The following PDE4B variants were observed in gnomAD, a reference collection of about 807,000 sequenced individuals.
The protein encoded by PDE4B is phosphodiesterase 4B, also known as 3',5'-cyclic-AMP phosphodiesterase 4B.
In PDE4B, 20 loss-of-function variants were observed where a neutral mutation model predicts 82.2. That is an observed-to-expected ratio of 0.24 (90% CI 0.17 to 0.35). PDE4B has a LOEUF of 0.35. Among genes scored for constraint, PDE4B ranks in the 10% least tolerant of loss-of-function variants. The pLI, the probability that PDE4B is intolerant of heterozygous loss-of-function variation, is 1.00. For synonymous variants in PDE4B, 320 were observed against 318.9 expected (o/e 1.00, Z -0.04); for missense variants, 655 against 907.2 (o/e 0.72, Z 3.57).
chr1:66,031,387 A>G (rs1653768160), intron 3 of PDE4B, among the ~76,000 whole-genome samples: 2 of 152,236 alleles, frequency 1.3e-5, no homozygotes, highest in Admixed American at 1.3e-4. Context: ...GTGATTCTCA[A>G]TCAGGAGAAA....
chr1:66,058,158 G>C (rs1454186732), intron 3 of PDE4B, among the ~76,000 whole-genome samples: 3 of 152,228 alleles, frequency 2.0e-5, no homozygotes, highest in Admixed American at 2.0e-4. Flanking sequence ...CAGCAGGGGA[G>C]TCAAATCTTA....
chr1:66,064,885 A>G (rs982710862), intron 3 of PDE4B, among the ~76,000 whole-genome samples: 4 of 151,982 alleles, frequency 2.6e-5, no homozygotes, highest in Admixed American at 6.6e-5. Context: ...AGTTTCAGAA[A>G]CTTTATAGTC....
chr1:65,983,847 T>A (rs1650818206), intron 3 of PDE4B, among the ~76,000 whole-genome samples: 1 of 152,198 alleles, frequency 6.6e-6, no homozygotes, highest in Non-Finnish European at 1.5e-5. Flanking sequence ...GTTCAGACTG[T>A]ATTATCAAAA....
chr1:65,860,039 T>A (rs2100250751), intron 1 of PDE4B, among the ~76,000 whole-genome samples: 1 of 152,312 alleles, frequency 6.6e-6, no homozygotes, highest in Admixed American at 6.5e-5. Flanking sequence ...TCTCTGTTTT[T>A]TAAAATTTTT....
intron 3 of PDE4B, among the ~76,000 whole-genome samples, chr1:66,111,554 A>G (rs1454698477): frequency 2.6e-5 from 4 of 152,156 alleles, no homozygotes; most frequent in African/African-American, 7.2e-5. Flanking sequence ...CCCTTGGCAT[A>G]GTATCTTCAA....
At chr1:66,323,170 C>T (rs747853030) in intron 7 of PDE4B, among the ~76,000 whole-genome samples, 1 of 152,138 alleles carries the variant, frequency 6.6e-6, no homozygotes, top group Non-Finnish European at 1.5e-5. Flanking sequence ...TTTGCATGGC[C>T]TTCCATGGCT....
intron 3 of PDE4B, among the ~76,000 whole-genome samples, chr1:66,193,341 C>T (rs1647990161): frequency 6.6e-6 from 1 of 152,158 alleles, no homozygotes; most frequent in African/African-American, 2.4e-5. Flanking sequence ...TTTTACCAAA[C>T]CAGATTCCTG....
At chr1:65,873,862 A>C (rs1156643424) in intron 1 of PDE4B, among the ~76,000 whole-genome samples, 3 of 152,148 alleles carry the variant, frequency 2.0e-5, no homozygotes, top group Non-Finnish European at 4.4e-5. Context: ...CATTCTTTGA[A>C]AGATTTTTTT....
At chr1:66,370,150 CAAAAAAAAAAAAAAA>C (rs752920376) in intron 16 of PDE4B, among the ~76,000 whole-genome samples, 4 of 28,654 alleles carry the variant, frequency 1.4e-4, no homozygotes, top group Admixed American at 4.6e-4. Context: ...GACTCTATCT[CAAAAAAAAAAAAAAA>C]AAAAAAAAAA....
At chr1:66,131,303 A>T (rs1037506361) in intron 3 of PDE4B, among the ~76,000 whole-genome samples, 8 of 152,204 alleles carry the variant, frequency 5.3e-5, no homozygotes, top group African/African-American at 1.2e-4. Context: ...GGCTTTGCTA[A>T]TAAGTCAATT....
At chr1:66,088,627 G>C (rs1644948626) in intron 3 of PDE4B, among the ~76,000 whole-genome samples, 1 of 152,066 alleles carries the variant, frequency 6.6e-6, no homozygotes, top group Admixed American at 6.6e-5. Context: ...AAGTGAAGTA[G>C]AAGCCTGTTA....
intron 3 of PDE4B, among the ~76,000 whole-genome samples, chr1:65,988,687 A>T (rs994125301): frequency 2.0e-5 from 3 of 152,074 alleles, no homozygotes; most frequent in Admixed American, 6.5e-5. Flanking sequence ...TTCTTAATTC[A>T]TTGTCTTCTC....
intron 3 of PDE4B, among the ~76,000 whole-genome samples, chr1:66,084,456 A>G (rs897955277): frequency 1.3e-5 from 2 of 152,194 alleles, no homozygotes; most frequent in Admixed American, 6.5e-5. Context: ...AGTATTAACA[A>G]TAAAGAGCTT....
intron 3 of PDE4B, among the ~76,000 whole-genome samples, chr1:66,208,523 A>C (rs556378327): frequency 6.6e-6 from 1 of 152,350 alleles, no homozygotes; most frequent in African/African-American, 2.4e-5. Flanking sequence ...AAGAGAAGCT[A>C]TGCTAATCTT....
chr1:65,863,490 G>A (rs938115167), intron 1 of PDE4B, among the ~76,000 whole-genome samples: 12 of 152,170 alleles, frequency 7.9e-5, no homozygotes, highest in East Asian at 3.8e-4. Context: ...GTTGATTTGG[G>A]ATGGAGAGTT....
At chr1:66,286,357 A>G (rs1656675437) in intron 7 of PDE4B, among the ~76,000 whole-genome samples, 1 of 152,152 alleles carries the variant, frequency 6.6e-6, no homozygotes, top group African/African-American at 2.4e-5. Flanking sequence ...TTATTTTGAA[A>G]TGCTATTAAA....
intron 1 of PDE4B, among the ~76,000 whole-genome samples, chr1:65,898,494 G>A (rs925622984): frequency 1.3e-5 from 2 of 152,058 alleles, no homozygotes; most frequent in South Asian, 4.1e-4. Context: ...CCAAAAAAGA[G>A]GCTGCATAGC....
intron 3 of PDE4B, among the ~76,000 whole-genome samples, chr1:66,112,227 A>G (rs754617675): frequency 5.3e-5 from 8 of 152,126 alleles, no homozygotes; most frequent in African/African-American, 9.7e-5. Context: ...TACTAATAAA[A>G]AGGTAAATTT....
intron 3 of PDE4B, among the ~76,000 whole-genome samples, chr1:66,114,796 T>G (rs1645561704): frequency 6.6e-6 from 1 of 151,988 alleles, no homozygotes; most frequent in Non-Finnish European, 1.5e-5. Flanking sequence ...TCACCACACC[T>G]GGCTGATTTT....
Sources: gnomAD v4.1 joint callset for allele counts (sites outside exome capture counted in the v4.1 genomes callset) on GRCh38, gnomAD v4.1.1 for gene constraint, MANE v1.5 for transcripts, NCBI Gene and HGNC (gene_info 2026-07-23, HGNC 2026-07-21) for gene names.